Variants in SATB2 observed in about 807,000 individuals in gnomAD.
SATB2 encodes DNA-binding protein SATB2.
Under a neutral mutation model 73.4 loss-of-function variants are expected in SATB2, and 1 was observed. That is an observed-to-expected ratio of 0.01 (90% confidence interval 0.00 to 0.06). The LOEUF is 0.06. Among genes scored for constraint, SATB2 ranks in the 10% least tolerant of loss-of-function variants. The pLI is 1.00. For synonymous variants in SATB2, 397 were observed against 367.0 expected, an observed-to-expected ratio of 1.08 and a Z score of -0.93; for missense variants, 459 against 945.8, an observed-to-expected ratio of 0.49 and a Z score of 6.75.
At chr2:199,382,440 T>G (rs1689807611) in intron 3 of SATB2, among the ~76,000 whole-genome samples, 1 of 152,218 alleles carries the variant, frequency 6.6e-6, no homozygotes, top group Non-Finnish European at 1.5e-5. Flanking sequence ...CTTTCTTTTT[T>G]TTATTCCTCA....
intron 5 of SATB2, among the ~76,000 whole-genome samples, chr2:199,370,270 G>A (rs1689405343): frequency 6.7e-6 from 1 of 150,218 alleles, no homozygotes; most frequent in Admixed American, 6.6e-5. Context: ...TCTATCTCGT[G>A]TCTCACATAG....
At position 199,300,221 on chromosome 2, in the gene SATB2, G is replaced by T. The variant is rs548665448; in HGVS notation, c.1740+8539C>A. Among the ~76,000 whole-genome samples, 19 of 151,970 alleles carry T rather than the reference G, an allele frequency of 1.3e-4. No individual in the cohort carries two copies. In the South Asian group the frequency reaches 4.0e-3, roughly 32 times the overall value. On this transcript the variant is annotated intron_variant, in intron 10 of 10. Transcript: ENST00000417098. Reference sequence around the variant, plus strand: ...AGGGAGAAGGAAGGAAGCGGAAGGGGAAGGAGAAGGGGATAAATAGCAACA... The same window carrying T: ...AGGGAGAAGGAAGGAAGCGGAAGGGTAAGGAGAAGGGGATAAATAGCAACA...
intron 3 of SATB2, among the ~76,000 whole-genome samples, chr2:199,408,975 G>C: frequency 6.6e-6 from 1 of 151,932 alleles, no homozygotes; most frequent in East Asian, 1.9e-4. Context: ...ATGGCTCTAC[G>C]ATAATCCCAA....
chr2:199,310,340 G>T (rs1687562575), intron 9 of SATB2, among the ~76,000 whole-genome samples: 2 of 152,136 alleles, frequency 1.3e-5, no homozygotes, highest in African/African-American at 4.8e-5. Flanking sequence ...GAGTTAGAAG[G>T]TTAGGAAGAA....
At chr2:199,380,278 C>T (rs1245922072) in intron 5 of SATB2, 86 bp downstream of exon 5, 3 of 1,498,200 alleles carry the variant, frequency 2.0e-6, no homozygotes, top group African/African-American at 1.4e-5. Flanking sequence ...ACAGAGAAGA[C>T]AGTTGTTTAA....
At chr2:199,387,515 T>A (rs960666155) in intron 3 of SATB2, among the ~76,000 whole-genome samples, 1 of 152,220 alleles carries the variant, frequency 6.6e-6, no homozygotes, top group African/African-American at 2.4e-5. Flanking sequence ...TGTTTTCCAA[T>A]CATCTTTATT....
chr2:199,296,259 T>C (rs1025537798), intron 10 of SATB2, among the ~76,000 whole-genome samples: 2 of 152,162 alleles, frequency 1.3e-5, no homozygotes, highest in Middle Eastern at 3.2e-3. Context: ...TTTTGTTTTG[T>C]TGTTGTTGTT....
chr2:199,460,166 C>CT (rs1692442953), upstream of SATB2, among the ~76,000 whole-genome samples: 1 of 152,110 alleles, frequency 6.6e-6, no homozygotes, highest in Non-Finnish European at 1.5e-5. This position sits in a 1 kb window ranked among gnomAD's most constrained non-coding sequence, Gnocchi z 4.0. Context: ...CGCATACCAC[C>CT]CCCAGTCAAA....
intron 6 of SATB2, among the ~76,000 whole-genome samples, chr2:199,350,322 C>T (rs1479564552): frequency 1.3e-5 from 2 of 151,544 alleles, no homozygotes; most frequent in Non-Finnish European, 2.9e-5. Context: ...ATATAGTTAA[C>T]CGTGACAGAA....
At chr2:199,284,358 C>T (rs1343176115) in intron 10 of SATB2, among the ~76,000 whole-genome samples, 2 of 152,128 alleles carry the variant, frequency 1.3e-5, no homozygotes, top group Non-Finnish European at 2.9e-5. Flanking sequence ...ATGAAAAGTT[C>T]ATCAATATAG....
chr2:199,296,223 A>G (rs554050639), intron 10 of SATB2, among the ~76,000 whole-genome samples: 1 of 152,330 alleles, frequency 6.6e-6, no homozygotes, highest in South Asian at 2.1e-4. Context: ...AATGCATTTG[A>G]ACCTCCCAGG....
intron 5 of SATB2, among the ~76,000 whole-genome samples, chr2:199,374,643 G>C (rs1307575956): frequency 6.6e-6 from 1 of 152,206 alleles, no homozygotes; most frequent in Non-Finnish European, 1.5e-5. Context: ...ATTGGAAGTT[G>C]CATGCACTTG....
intron 3 of SATB2, among the ~76,000 whole-genome samples, chr2:199,389,331 T>C (rs1690054940): frequency 6.6e-6 from 1 of 152,196 alleles, no homozygotes; most frequent in Non-Finnish European, 1.5e-5. Flanking sequence ...TCTCTCTATA[T>C]ATATTTCAAC....
intron 10 of SATB2, among the ~76,000 whole-genome samples, chr2:199,283,898 A>G (rs1216551750): frequency 6.6e-6 from 1 of 152,170 alleles, no homozygotes; most frequent in Non-Finnish European, 1.5e-5. Flanking sequence ...TTGTCTTGAG[A>G]AACAGCACTT....
upstream of SATB2, chr2:199,469,893 CTG>C (rs1692671441): frequency 1.3e-5 from 2 of 152,524 alleles, no homozygotes; most frequent in South Asian, 2.1e-4. Context: ...GTAGAGAAAG[CTG>C]TGTGTATTGA....
chr2:199,406,713 A>C (rs1283899769), intron 3 of SATB2, among the ~76,000 whole-genome samples: 1 of 152,172 alleles, frequency 6.6e-6, no homozygotes, highest in African/African-American at 2.4e-5. Flanking sequence ...GAAAGGTACA[A>C]TAAGGGCATT....
At chr2:199,470,301 C>T (rs931125861) in intron 1 of SATB2, 1 of 152,266 alleles carries the variant, frequency 6.6e-6, no homozygotes, top group Admixed American at 6.5e-5. Flanking sequence ...GCTGGGGACG[C>T]TCTGAGCATC....
intron 7 of SATB2, among the ~76,000 whole-genome samples, chr2:199,343,969 T>C (rs1440204830): frequency 6.6e-6 from 1 of 152,202 alleles, no homozygotes; most frequent in Non-Finnish European, 1.5e-5. Context: ...AAAAGGATTA[T>C]ATGGGAGAAG....
intron 9 of SATB2, 92 bp downstream of exon 9, chr2:199,323,711 T>C: frequency 1.5e-6 from 2 of 1,310,238 alleles, no homozygotes; most frequent in Non-Finnish European, 2.2e-6. Context: ...TTACTGTTAT[T>C]ATTATTATAG....
Sources: allele counts gnomAD v4.1 joint callset (sites outside exome capture counted in the v4.1 genomes callset), GRCh38; gene constraint gnomAD v4.1.1; non-coding constraint Gnocchi (gnomAD v3.1); transcripts MANE v1.5; gene names NCBI Gene and HGNC (gene_info 2026-07-23, HGNC 2026-07-21).